NLGN1: variants seen among roughly 807,000 people sequenced by gnomAD.
The protein encoded by NLGN1 is neuroligin-1.
Under a neutral mutation model 65.5 loss-of-function variants are expected in NLGN1, and 12 were observed. The observed-to-expected ratio is 0.18, with a 90% CI of 0.12 to 0.30. The LOEUF (loss-of-function observed/expected upper bound fraction) is 0.30. Among genes scored for constraint, NLGN1 ranks in the 10% least tolerant of loss-of-function variants. NLGN1 has a pLI of 1.00. For synonymous variants in NLGN1, 350 were observed against 359.5 expected (o/e 0.97, Z 0.30); for missense variants, 750 against 1,007.1 (o/e 0.74, Z 3.46).
chr3:174,289,820 A>G (rs1003231607), downstream of NLGN1, among the ~76,000 whole-genome samples: 1 of 150,132 alleles, frequency 6.7e-6, no homozygotes, highest in African/African-American at 2.4e-5. Flanking sequence ...ACCAATTTGC[A>G]TATAAATCTC....
chr3:173,838,533 T>C (rs1466250053), intron 4 of NLGN1, among the ~76,000 whole-genome samples: 3 of 152,124 alleles, frequency 2.0e-5, no homozygotes, highest in African/African-American at 4.8e-5. Flanking sequence ...TTAAATTCAT[T>C]CTCCTAGAAC....
intron 2 of NLGN1, among the ~76,000 whole-genome samples, chr3:173,564,415 CTG>C (rs1206788009): frequency 1.3e-5 from 2 of 152,244 alleles, no homozygotes; most frequent in South Asian, 2.1e-4. Context: ...TTGTTACTAA[CTG>C]TGTAAAACAT....
At chr3:174,245,410 C>T (rs1743612818) in intron 4 of NLGN1, among the ~76,000 whole-genome samples, 1 of 152,076 alleles carries the variant, frequency 6.6e-6, no homozygotes, top group Non-Finnish European at 1.5e-5. Context: ...TTTACCCATC[C>T]TAAAAACTAT....
intron 3 of NLGN1, among the ~76,000 whole-genome samples, chr3:173,669,899 G>A (rs1034150515): frequency 2.0e-5 from 3 of 152,140 alleles, no homozygotes; most frequent in Non-Finnish European, 4.4e-5. Flanking sequence ...GTTAGATAAA[G>A]CAGTTTAAAA....
intron 4 of NLGN1, among the ~76,000 whole-genome samples, chr3:173,955,749 G>A (rs1002818706): frequency 9.2e-5 from 14 of 152,088 alleles, no homozygotes; most frequent in Non-Finnish European, 1.9e-4. Flanking sequence ...GAATGTATTA[G>A]AAATTATCTA....
In NLGN1 at chr3:173,873,728, G is replaced by A. The variant is rs560727369; in HGVS notation, c.646+65896G>A. Among the ~76,000 whole-genome samples the A allele has an allele frequency of 6.8e-4, 103 of 152,102 alleles. 2 individuals are homozygous for A. The South Asian group carries it at 0.021, about 30-fold the overall frequency. On this transcript the variant is annotated intron_variant, in intron 4 of 6. Transcript: ENST00000457714. The stretch of plus-strand genomic sequence containing the variant: ...CTCTTAATTGTCATCATCTCATTTC[G>A]GATATGGTATTCCTTCAGCTGCACA...
intron 2 of NLGN1, among the ~76,000 whole-genome samples, chr3:173,441,696 G>A (rs915599561): frequency 1.3e-5 from 2 of 152,092 alleles, no homozygotes; most frequent in Non-Finnish European, 2.9e-5. Flanking sequence ...ACAGATCAAC[G>A]TAACAGATGT....
intron 4 of NLGN1, among the ~76,000 whole-genome samples, chr3:174,075,204 A>G (rs1740664201): frequency 6.6e-6 from 1 of 152,202 alleles, no homozygotes; most frequent in Non-Finnish European, 1.5e-5. Flanking sequence ...TAACTCTACT[A>G]AAAATAAATA....
chr3:174,053,873 AAT>A (rs1283824934), intron 4 of NLGN1, among the ~76,000 whole-genome samples: 6 of 151,986 alleles, frequency 3.9e-5, no homozygotes, highest in African/African-American at 1.2e-4. Context: ...GCTTATATTG[AAT>A]ATATTCCCTA....
chr3:173,568,296 A>C (rs1286551964), intron 2 of NLGN1, among the ~76,000 whole-genome samples: 1 of 134,554 alleles, frequency 7.4e-6, no homozygotes, highest in African/African-American at 2.8e-5. Context: ...CAGGCTGGCA[A>C]TTTCTTGGCT....
intron 3 of NLGN1, among the ~76,000 whole-genome samples, chr3:173,782,691 CTT>C (rs5854538): frequency 0.034 from 4,873 of 144,684 alleles, 276 homozygotes; most frequent in African/African-American, 0.12. Flanking sequence ...CAAAGCTTAC[CTT>C]TTTTTTTTTT....
intron 4 of NLGN1, among the ~76,000 whole-genome samples, chr3:173,845,604 A>G (rs1002873618): frequency 1.5e-5 from 2 of 136,714 alleles, no homozygotes; most frequent in Non-Finnish European, 3.2e-5. Context: ...AGGTAGGTGG[A>G]TGGATAGATA....
chr3:173,798,533 A>G (rs778284624), intron 3 of NLGN1, among the ~76,000 whole-genome samples: 35 of 152,246 alleles, frequency 2.3e-4, no homozygotes, highest in Admixed American at 2.0e-4. Context: ...ATGAATGTCA[A>G]ATAATCCTAA....
chr3:173,633,555 G>C (rs1270535678), intron 3 of NLGN1, among the ~76,000 whole-genome samples: 1 of 152,082 alleles, frequency 6.6e-6, no homozygotes, highest in African/African-American at 2.4e-5. Flanking sequence ...TTCACCCTAT[G>C]GAAAGAACCT....
intron 1 of NLGN1, among the ~76,000 whole-genome samples, chr3:173,420,976 C>T (rs900757529): frequency 1.3e-5 from 2 of 152,096 alleles, no homozygotes; most frequent in African/African-American, 4.8e-5. Flanking sequence ...TCAGGTAGTA[C>T]AAGCCCTGTG....
chr3:173,421,500 T>C (rs1715040587), intron 1 of NLGN1, among the ~76,000 whole-genome samples: 1 of 151,392 alleles, frequency 6.6e-6, no homozygotes, highest in Non-Finnish European at 1.5e-5. Context: ...ATCAATTTTA[T>C]AATAATAATT....
chr3:174,146,704 A>T (rs983535851), intron 4 of NLGN1, among the ~76,000 whole-genome samples: 2 of 151,438 alleles, frequency 1.3e-5, no homozygotes, highest in Non-Finnish European at 2.9e-5. Flanking sequence ...AGTAGCTGGG[A>T]TTACAGGCAC....
intron 4 of NLGN1, among the ~76,000 whole-genome samples, chr3:174,241,330 A>G (rs1742761523): frequency 6.6e-6 from 1 of 151,600 alleles, no homozygotes; most frequent in Non-Finnish European, 1.5e-5. Context: ...TTTAAATTTT[A>G]TTGAGTGTAC....
At chr3:173,468,311 C>T (rs1434324425) in intron 2 of NLGN1, among the ~76,000 whole-genome samples, 1 of 152,074 alleles carries the variant, frequency 6.6e-6, no homozygotes, top group Non-Finnish European at 1.5e-5. Context: ...ATCTCCCTCT[C>T]CTTTCACCAG....
Sources: gnomAD v4.1 joint callset for allele counts (sites outside exome capture counted in the v4.1 genomes callset) on GRCh38, gnomAD v4.1.1 for gene constraint, MANE v1.5 for transcripts, NCBI Gene and HGNC (gene_info 2026-07-23, HGNC 2026-07-21) for gene names.